The following NR1D2 variants were observed in gnomAD, a reference collection of about 807,000 sequenced individuals.
The protein encoded by NR1D2 is V-erbA-related protein 1-related.
NR1D2 carries 25 observed loss-of-function variants against 52.2 expected under a neutral mutation model. That is an observed-to-expected ratio of 0.48 (90% CI 0.35 to 0.67). The LOEUF (loss-of-function observed/expected upper bound fraction) is 0.67, where lower values mean the gene tolerates loss of function less well. NR1D2 is among the 30% of genes least tolerant of loss of function. The pLI is 0.01. For missense variants in NR1D2, 681 were observed against 707.2 expected (o/e 0.96, Z 0.42); for synonymous variants, 259 against 230.1 (o/e 1.13, Z -1.14).
intron 2 of NR1D2, 64 bp downstream of exon 2, chr3:23,954,867 C>G (rs1200531652): frequency 1.2e-5 from 18 of 1,505,586 alleles, no homozygotes; most frequent in Non-Finnish European, 1.6e-5. Flanking sequence ...ATTTTATCAG[C>G]TTTTCATTTA....
intron 1 of NR1D2, among the ~76,000 whole-genome samples, chr3:23,948,987 G>C (rs1424246040): frequency 1.3e-5 from 2 of 152,096 alleles, no homozygotes; most frequent in African/African-American, 4.8e-5. Context: ...AGTCATGCTG[G>C]CTTATTTCCA....
intron 7 of NR1D2, among the ~76,000 whole-genome samples, chr3:23,968,538 C>T (rs1706509234): frequency 6.6e-6 from 1 of 152,188 alleles, no homozygotes; most frequent in African/African-American, 2.4e-5. Flanking sequence ...TCTTGGATTC[C>T]TTCCTCATCC....
intron 6 of NR1D2, among the ~76,000 whole-genome samples, chr3:23,966,314 G>A (rs1029056483): frequency 1.3e-5 from 2 of 152,180 alleles, no homozygotes; most frequent in African/African-American, 2.4e-5. Context: ...ATTGTTAACC[G>A]ATTTAACTTG....
Position 23,954,558 on chromosome 3 carries a change from G to T in NR1D2, c.38G>T (p.Ser13Ile). ...VNAGGVIAYI[S>I]SSSSASSPAS... ...CTAGGAGGTGTGATTGCCTATATCAGTTCTTCCAGCTCAGCCTCAAGCCCT... is the reference window on the plus strand; with the variant it reads ...CTAGGAGGTGTGATTGCCTATATCATTTCTTCCAGCTCAGCCTCAAGCCCT... The change falls in exon 2 of 8, where the codon AGT becomes ATT. Residue 13 changes from serine to isoleucine, a missense_variant. Ser to Ile is a moderately radical substitution (Grantham distance 142, BLOSUM62 -2). Coordinates refer to ENST00000312521, the MANE Select transcript of NR1D2 (RefSeq NM_005126.5). The T allele has an allele frequency of 1.9e-6, 3 of 1,614,050 alleles. No individual in the cohort carries two copies. Among genetic ancestry groups the T allele is most frequent in the East Asian group, 2.2e-5 (1 of 44,886 alleles).
chr3:23,946,951 ATGTAT>A (rs539784246), intron 1 of NR1D2, among the ~76,000 whole-genome samples: 64 of 152,338 alleles, frequency 4.2e-4, no homozygotes, highest in African/African-American at 1.4e-3. Flanking sequence ...TCGATAACAA[ATGTAT>A]TGTGAACTTT....
At chr3:23,959,874 A>C (rs576824259) in intron 4 of NR1D2, 59 bp downstream of exon 4, 3 of 1,507,690 alleles carry the variant, frequency 2.0e-6, no homozygotes, top group South Asian at 2.6e-5. Context: ...TTTATTCCTC[A>C]TCATGAACCA....
At chr3:23,949,871 G>C (rs1180980734) in intron 1 of NR1D2, among the ~76,000 whole-genome samples, 1 of 152,192 alleles carries the variant, frequency 6.6e-6, no homozygotes, top group African/African-American at 2.4e-5. Context: ...TGTAGAAAAT[G>C]GGTAAGAAGA....
rs565281637 is a variant in NR1D2, at chr3:23,953,234, T to A, written c.17-1303T>A. Among the ~76,000 whole-genome samples the A allele has an allele frequency of 2.0e-5, 3 of 149,756 alleles. No homozygotes were observed. In the East Asian group the frequency reaches 5.9e-4, roughly 30 times the overall value. On this transcript the variant is annotated intron_variant, in intron 1 of 7. Coordinates refer to ENST00000312521, the MANE Select transcript of NR1D2 (RefSeq NM_005126.5). ...GGCATGTGACTGTAGTCCCAGCTAT[T>A]CAGGAGGCTGAGACAGGAAAATTGC...
At chr3:23,967,082 T>C (rs1706467284) in intron 6 of NR1D2, among the ~76,000 whole-genome samples, 1 of 152,022 alleles carries the variant, frequency 6.6e-6, no homozygotes, top group African/African-American at 2.4e-5. Context: ...TTCTAGCACT[T>C]TGGGAAGCCG....
chr3:23,979,548 A>G lies in NR1D2; in HGVS notation c.*2129A>G, dbSNP rs1243142564. On this transcript the variant is annotated 3_prime_UTR_variant, in exon 8 of 8. Transcript: ENST00000312521. ...GCTTATAAAACTTTAGTTAGGTTCA[A>G]TATATACATATATACATCTCTATAT... The G allele has an allele frequency of 6.6e-6, 1 of 152,016 alleles. No homozygotes were observed. Among genetic ancestry groups the G allele is most frequent in the Non-Finnish European group, 1.5e-5 (1 of 67,954 alleles). 9.4% of individuals were successfully genotyped at this position (152,016 alleles called of 1,614,324 possible).
chr3:23,951,532 C>T (rs1462162947), intron 1 of NR1D2, among the ~76,000 whole-genome samples: 1 of 152,160 alleles, frequency 6.6e-6, no homozygotes, highest in African/African-American at 2.4e-5. Context: ...CTTAAGATCT[C>T]TAAAGTTATA....
Position 23,957,696 on chromosome 3 carries a change from C to T in NR1D2, c.372+1571C>T, listed in dbSNP as rs1279074790. ...TGAGATTGCACCACTGCACTCCAAG[C>T]CTGGGCGACAGAGCCAGATTCCGTC... On this transcript the variant is annotated intron_variant, in intron 3 of 7. Coordinates refer to ENST00000312521, the MANE Select transcript of NR1D2 (RefSeq NM_005126.5). 6.6e-5 allele frequency among the ~76,000 whole-genome samples: 10 copies of T among 151,784 alleles called. No homozygotes were observed. The South Asian group carries it at 2.1e-3, about 32-fold the overall frequency.
intron 3 of NR1D2, among the ~76,000 whole-genome samples, chr3:23,957,455 G>A (rs1325608011): frequency 1.6e-5 from 2 of 124,860 alleles, no homozygotes; most frequent in Non-Finnish European, 3.2e-5. Context: ...GGTGGCTCAC[G>A]CCTGTAATCC....
intron 1 of NR1D2, among the ~76,000 whole-genome samples, chr3:23,948,224 G>A (rs1420491429): frequency 1.3e-5 from 2 of 152,140 alleles, no homozygotes; most frequent in South Asian, 4.1e-4. Context: ...CTCTAGTTTG[G>A]TTATCAGTTG....
chr3:23,946,441 C>G (rs6803587), intron 1 of NR1D2: 35,496 of 307,448 alleles, frequency 0.12, 2,924 homozygotes, highest in African/African-American at 0.28. Context: ...TGAGGTGCTT[C>G]GATCCCGAGC....
chr3:23,967,661 T>C (rs1442890417), intron 6 of NR1D2, 152 bp from the exon 7 acceptor site: 4 of 611,648 alleles, frequency 6.5e-6, no homozygotes, highest in Non-Finnish European at 1.1e-5. Context: ...TAGAATAGAA[T>C]AGAGTGGTTT....
rs373064965 is a variant in NR1D2, at chr3:23,970,633, CTGAT to C, written c.1543+2613_1543+2616del. On this transcript the variant is annotated intron_variant, in intron 7 of 7. Transcript: ENST00000312521. ...AAAATGGAAAATTAAGTGTGAAAGA[CTGAT>C]TGTAAAAGAATACAGTGCATTCTAA... is the stretch of plus-strand genomic sequence containing the variant. Among the ~76,000 whole-genome samples the C allele has an allele frequency of 9.2e-5, 14 of 152,198 alleles. 1 individual carries two copies. The South Asian group carries it at 1.7e-3, about 18-fold the overall frequency.
At chr3:23,968,490 A>G (rs377577685) in intron 7 of NR1D2, among the ~76,000 whole-genome samples, 2 of 152,352 alleles carry the variant, frequency 1.3e-5, no homozygotes, top group East Asian at 1.9e-4. Flanking sequence ...CCATTGAATT[A>G]TGTGGGTAAC....
Position 23,962,174 on chromosome 3 carries a change from A to G in NR1D2, c.715A>G (p.Lys239Glu). Residue 239 changes from lysine to glutamate, a missense_variant, in exon 5 of 8, where the codon AAA becomes GAA. Transcript: ENST00000312521. ...PKPQLEQENIKSSSPPSSDFA... is the reference protein window; with the variant it reads ...PKPQLEQENIESSSPPSSDFA... ...GCCCCAACTGGAGCAAGAAAACATC[A>G]AAAGCTCTTCTCCTCCATCTTCTGA... 2 of 1,614,166 alleles carry G rather than the reference A, an allele frequency of 1.2e-6. No individual in the cohort carries two copies. The highest frequency in any genetic ancestry group is 3.3e-4 in the Middle Eastern group (2 of 6,062).
Sources: allele counts gnomAD v4.1 joint callset (sites outside exome capture counted in the v4.1 genomes callset), GRCh38; gene constraint gnomAD v4.1.1; transcripts MANE v1.5; gene names NCBI Gene and HGNC (gene_info 2026-07-23, HGNC 2026-07-21).